RCAN2: variants seen among roughly 807,000 people sequenced by gnomAD.
RCAN2 encodes regulator of calcineurin 2.
Under a neutral mutation model 23.6 loss-of-function variants are expected in RCAN2, and 9 were observed. The ratio of observed to expected loss-of-function variants is 0.38; its 90% CI spans 0.23 to 0.67. RCAN2 has a LOEUF of 0.67. RCAN2 is among the 30% of genes least tolerant of loss of function. RCAN2 has a pLI of 0.51. For missense variants in RCAN2, 273 were observed against 302.3 expected (o/e 0.90, Z 0.72); for synonymous variants, 109 against 115.7 (o/e 0.94, Z 0.37).
chr6:46,372,435 G>A (rs572861411), intron 2 of RCAN2, among the ~76,000 whole-genome samples: 15 of 152,296 alleles, frequency 9.8e-5, no homozygotes, highest in Admixed American at 4.6e-4. Context: ...CAAGCATGTC[G>A]CTTGGCAGCT....
At chr6:46,330,596 C>T (rs1763936060) in intron 2 of RCAN2, among the ~76,000 whole-genome samples, 1 of 152,150 alleles carries the variant, frequency 6.6e-6, no homozygotes, top group African/African-American at 2.4e-5. Context: ...ACTATGATGT[C>T]CTCTCACTTC....
intron 2 of RCAN2, among the ~76,000 whole-genome samples, chr6:46,387,852 C>A (rs1217607598): frequency 1.3e-5 from 2 of 152,110 alleles, no homozygotes; most frequent in Non-Finnish European, 2.9e-5. Flanking sequence ...TGGAACCAAC[C>A]CAAATGTCCA....
chr6:46,443,921 C>T (rs1042278949), intron 2 of RCAN2, among the ~76,000 whole-genome samples: 1 of 152,208 alleles, frequency 6.6e-6, no homozygotes. Flanking sequence ...CCTCACTCTA[C>T]TCTTTTTTAT....
intron 1 of RCAN2, among the ~76,000 whole-genome samples, 183 bp from the exon 2 acceptor site, chr6:46,457,161 T>G (rs536600214): frequency 2.0e-4 from 31 of 152,244 alleles, no homozygotes; most frequent in Admixed American, 2.6e-4. Flanking sequence ...GAACCAGAAT[T>G]TCCCATACAG....
intron 2 of RCAN2, among the ~76,000 whole-genome samples, chr6:46,409,182 C>T (rs1766485922): frequency 1.3e-5 from 2 of 151,934 alleles, no homozygotes; most frequent in Admixed American, 6.6e-5. Context: ...CATGATTTCT[C>T]AAGGTTCTCA....
intron 2 of RCAN2, among the ~76,000 whole-genome samples, chr6:46,289,031 G>A (rs1762457082): frequency 6.6e-6 from 1 of 152,328 alleles, no homozygotes; most frequent in East Asian, 1.9e-4. Flanking sequence ...AACTATTTCT[G>A]TCATGGGGCT....
At chr6:46,280,834 G>T (rs898940572) in intron 2 of RCAN2, among the ~76,000 whole-genome samples, 1 of 152,112 alleles carries the variant, frequency 6.6e-6, no homozygotes, top group African/African-American at 2.4e-5. Context: ...TCTCAGGGAG[G>T]TATGTGGACA....
intron 2 of RCAN2, among the ~76,000 whole-genome samples, chr6:46,314,221 G>A (rs905950131): frequency 6.6e-6 from 1 of 151,944 alleles, no homozygotes; most frequent in African/African-American, 2.4e-5. Flanking sequence ...AATTAGCCAG[G>A]CCTGGTGGCA....
At chr6:46,426,473 C>T (rs946556320) in intron 2 of RCAN2, among the ~76,000 whole-genome samples, 4 of 152,046 alleles carry the variant, frequency 2.6e-5, no homozygotes, top group East Asian at 1.9e-4. Context: ...GCAATTTTAC[C>T]GCTTTTAGTA....
At chr6:46,377,788 C>T (rs1488709470) in intron 2 of RCAN2, among the ~76,000 whole-genome samples, 1 of 152,168 alleles carries the variant, frequency 6.6e-6, no homozygotes, top group Non-Finnish European at 1.5e-5. Flanking sequence ...GGGAGGGGTA[C>T]TAATTCAGAG....
chr6:46,299,368 T>G (rs998536913), intron 2 of RCAN2, among the ~76,000 whole-genome samples: 1 of 151,984 alleles, frequency 6.6e-6, no homozygotes, highest in African/African-American at 2.4e-5. Flanking sequence ...GACTTATAGT[T>G]CATGACAGAG....
intron 1 of RCAN2, among the ~76,000 whole-genome samples, chr6:46,468,261 T>G (rs190140397): frequency 9.3e-4 from 141 of 152,342 alleles, no homozygotes; most frequent in Non-Finnish European, 1.0e-3. Flanking sequence ...GAGTTTAGGA[T>G]AAGAATATGG....
chr6:46,456,986 T>C lies in RCAN2; in HGVS notation c.-2-8A>G. ...ATGATTCTCCCCTCATTCCTGGGGA[T>C]ACAAAGATGAGCATGTGTTACTGCA... On this transcript the variant is annotated splice_polypyrimidine_tract_variant and splice_region_variant and intron_variant, in intron 1 of 4. Transcript: ENST00000371374. The C allele has an allele frequency of 6.5e-7, 1 of 1,531,154 alleles. No homozygotes were observed. 94.8% of individuals were successfully genotyped at this position (1,531,154 alleles called of 1,614,324 possible).
intron 2 of RCAN2, among the ~76,000 whole-genome samples, chr6:46,320,149 A>G (rs1763564826): frequency 6.6e-6 from 1 of 152,220 alleles, no homozygotes; most frequent in African/African-American, 2.4e-5. Context: ...AAAGAGCTTT[A>G]GAGCTCTGCA....
chr6:46,245,082 C>T (rs893923341), intron 4 of RCAN2, among the ~76,000 whole-genome samples: 1 of 152,210 alleles, frequency 6.6e-6, no homozygotes, highest in African/African-American at 2.4e-5. Context: ...GGTCTAAGAT[C>T]AGGATCCTGG....
At chr6:46,238,918 A>C (rs936782710) in intron 4 of RCAN2, among the ~76,000 whole-genome samples, 7 of 152,204 alleles carry the variant, frequency 4.6e-5, no homozygotes, top group African/African-American at 1.4e-4. Flanking sequence ...GTTAACATAC[A>C]CTGAGCCTTT....
At chr6:46,251,598 G>A (rs1464947822) in intron 2 of RCAN2, among the ~76,000 whole-genome samples, 1 of 152,042 alleles carries the variant, frequency 6.6e-6, no homozygotes, top group Non-Finnish European at 1.5e-5. Context: ...TTTCCTTTGA[G>A]TCTAATTCCT....
At chr6:46,439,905 G>A (rs977015377) in intron 2 of RCAN2, among the ~76,000 whole-genome samples, 2 of 152,312 alleles carry the variant, frequency 1.3e-5, no homozygotes, top group Admixed American at 6.5e-5. Context: ...AGAGTGAAAC[G>A]ACTTTCCTTT....
At chr6:46,344,646 T>C (rs1044809665) in intron 2 of RCAN2, among the ~76,000 whole-genome samples, 1 of 152,002 alleles carries the variant, frequency 6.6e-6, no homozygotes. Context: ...AGGCATACTA[T>C]AATATGTTAA....
Sources: allele counts gnomAD v4.1 joint callset (sites outside exome capture counted in the v4.1 genomes callset), GRCh38; gene constraint gnomAD v4.1.1; transcripts MANE v1.5; gene names NCBI Gene and HGNC (gene_info 2026-07-23, HGNC 2026-07-21).